The following KIF9 variants were observed in gnomAD, a reference collection of about 807,000 sequenced individuals.
KIF9 encodes kinesin family member 9.
Under a neutral mutation model 94.8 loss-of-function variants are expected in KIF9, and 68 were observed. The ratio of observed to expected loss-of-function variants is 0.72; its 90% CI spans 0.59 to 0.88. The LOEUF (loss-of-function observed/expected upper bound fraction) is 0.88. KIF9 is among the 40% of genes least tolerant of loss of function. The probability of loss-of-function intolerance (pLI) is 0.00; values close to 1 mark genes in which losing one functional copy is unlikely to be tolerated. For synonymous variants in KIF9, 343 were observed against 362.1 expected (o/e 0.95, Z 0.60); for missense variants, 882 against 982.5 (o/e 0.90, Z 1.37).
At chr3:47,267,466 G>A (rs1190474210) in intron 5 of KIF9, among the ~76,000 whole-genome samples, 1 of 152,254 alleles carries the variant, frequency 6.6e-6, no homozygotes, top group African/African-American at 2.4e-5. Context: ...CGCCGCTGGG[G>A]AAGTGTGAAT....
At chr3:47,258,408 G>A (rs1700754809) in intron 9 of KIF9, among the ~76,000 whole-genome samples, 1 of 152,260 alleles carries the variant, frequency 6.6e-6, no homozygotes, top group East Asian at 1.9e-4. Context: ...ACTGAACCTG[G>A]CCCCAAAATG....
chr3:47,253,232 T>G (rs960851823), intron 10 of KIF9, among the ~76,000 whole-genome samples: 1 of 152,080 alleles, frequency 6.6e-6, no homozygotes, highest in Non-Finnish European at 1.5e-5. Context: ...CTCCACTCAT[T>G]GCAACCACTG....
intron 9 of KIF9, among the ~76,000 whole-genome samples, chr3:47,258,677 C>T (rs1415131235): frequency 1.3e-5 from 2 of 152,164 alleles, no homozygotes; most frequent in African/African-American, 4.8e-5. Context: ...CTTCCTCCTG[C>T]TCCTGCCATG....
Position 47,230,363 on chromosome 3 carries a change from A to G in KIF9, c.2323-1661T>C, listed in dbSNP as rs527254274. ...AAGGCCCAGGCAGGAGGATCCCTTG[A>G]GTCTAGGAACTGAAGACCAGCCTGA... On this transcript the variant is annotated intron_variant, in intron 20 of 20. Transcript: ENST00000684063. Among the ~76,000 whole-genome samples the G allele has an allele frequency of 2.0e-5, 3 of 151,882 alleles. No homozygotes were observed. In the East Asian group the frequency reaches 5.9e-4, roughly 30 times the overall value.
chr3:47,257,343 C>T, intron 10 of KIF9, 140 bp downstream of exon 10: 1 of 743,780 alleles, frequency 1.3e-6, no homozygotes, highest in Non-Finnish European at 2.3e-6. Context: ...CTGGCCAGTC[C>T]AGGAGTGGAA....
At chr3:47,241,861 T>TATACAC (rs199589606) in intron 16 of KIF9, among the ~76,000 whole-genome samples, 14,641 of 119,998 alleles carry the variant, frequency 0.12, 1,184 homozygotes, top group East Asian at 0.23. Context: ...TATATATATA[T>TATACAC]ACACATATAT....
intron 9 of KIF9, among the ~76,000 whole-genome samples, 181 bp from the exon 10 acceptor site, chr3:47,257,741 T>G (rs1316401477): frequency 6.6e-6 from 1 of 152,146 alleles, no homozygotes; most frequent in Non-Finnish European, 1.5e-5. Flanking sequence ...GAGGTCCCCA[T>G]GAGAAGAGCA....
At chr3:47,251,289 G>A (rs1700254567) in intron 10 of KIF9, among the ~76,000 whole-genome samples, 1 of 152,204 alleles carries the variant, frequency 6.6e-6, no homozygotes. Context: ...TAGGAGGCTG[G>A]GTGCAGTGGC....
At chr3:47,272,664 T>C (rs1442269752) in intron 4 of KIF9, among the ~76,000 whole-genome samples, 1 of 152,154 alleles carries the variant, frequency 6.6e-6, no homozygotes, top group Admixed American at 6.5e-5. Context: ...TTAAATAAAA[T>C]ATATCATTAA....
chr3:47,253,671 T>C (rs528900233), intron 10 of KIF9, among the ~76,000 whole-genome samples: 9 of 152,310 alleles, frequency 5.9e-5, no homozygotes, highest in South Asian at 4.1e-4. Flanking sequence ...GTGTAAATAA[T>C]AGAGACTGTC....
intron 1 of KIF9, chr3:47,280,838 G>C: frequency 1.4e-6 from 1 of 693,706 alleles, no homozygotes; most frequent in Admixed American, 2.0e-5. Flanking sequence ...AGCAGGCCAG[G>C]AGCCATATCC....
chr3:47,272,641 T>G (rs1701718043), intron 4 of KIF9, among the ~76,000 whole-genome samples: 1 of 152,154 alleles, frequency 6.6e-6, no homozygotes, highest in Non-Finnish European at 1.5e-5. Context: ...GGAAATATTT[T>G]AAATATATTT....
intron 11 of KIF9, 107 bp downstream of exon 11, chr3:47,247,911 C>T (rs941291019): frequency 1.2e-6 from 1 of 859,782 alleles, no homozygotes; most frequent in Non-Finnish European, 1.9e-6. Flanking sequence ...CCCAACCCCG[C>T]CCACCATTGG....
Position 47,240,955 on chromosome 3 carries a change from A to T in KIF9, c.1770T>A (p.Ser590Arg), listed in dbSNP as rs1296328807. ...TTTCTTTGAAAATTCGGTTGATCTCACTACCTTGCTCATTCTTAAACTCCT... is the reference window on the plus strand; with the variant it reads ...TTTCTTTGAAAATTCGGTTGATCTCTCTACCTTGCTCATTCTTAAACTCCT... ...AFEEFKNEQG[S>R]EINRIFKENK... is the part of the protein sequence containing the mutation. The change falls in exon 17 of 21, where the codon AGT (serine) becomes AGA (arginine). Residue 590 changes from serine (S) to arginine (R), a missense_variant. By Grantham distance (110) the Ser-to-Arg change is moderately radical. Coordinates refer to ENST00000684063, the MANE Select transcript of KIF9 (RefSeq NM_182902.4). The T allele has an allele frequency of 1.2e-6, 2 of 1,614,092 alleles. No homozygotes were observed. The highest frequency in any genetic ancestry group is 1.7e-5 in the Admixed American group (1 of 60,010).
chr3:47,257,617 A>G (rs1700708179), intron 9 of KIF9, 57 bp from the exon 10 acceptor site: 12 of 1,490,298 alleles, frequency 8.1e-6, no homozygotes, highest in Non-Finnish European at 7.4e-6. Flanking sequence ...AGACCCCAAG[A>G]GACCGGCCTT....
Position 47,235,560 on chromosome 3 carries a change from G to A in KIF9, c.2275C>T (p.Pro759Ser). 1.9e-6 allele frequency: 3 copies of A among 1,614,106 alleles called. No homozygotes were observed. The highest frequency in any genetic ancestry group is 2.5e-6 in the Non-Finnish European group (3 of 1,179,990). The change falls in exon 20 of 21, where the codon CCT (proline) becomes TCT (serine). Residue 759 changes from proline (P) to serine (S), a missense_variant. Pro to Ser is a moderately conservative substitution (Grantham distance 74, BLOSUM62 -1). Transcript: ENST00000684063. Reference sequence around the variant, plus strand: ...GCATTGTAGAAGGAGATGGAATCAGGGCCCTCAGGAAGCACCCTCTGCTGC... The same window carrying A: ...GCATTGTAGAAGGAGATGGAATCAGAGCCCTCAGGAAGCACCCTCTGCTGC... ...QLQQRVLPEGPDSISFYNAKV... is the reference protein window; with the variant it reads ...QLQQRVLPEGSDSISFYNAKV...
At chr3:47,244,654 G>A in intron 15 of KIF9, 137 bp downstream of exon 15, 2 of 1,090,778 alleles carry the variant, frequency 1.8e-6, no homozygotes, top group Non-Finnish European at 1.3e-6. Flanking sequence ...AGACTTGCTA[G>A]TATTGGCAGC....
intron 10 of KIF9, among the ~76,000 whole-genome samples, chr3:47,253,398 C>G (rs1392572051): frequency 6.6e-6 from 1 of 152,066 alleles, no homozygotes; most frequent in Non-Finnish European, 1.5e-5. Flanking sequence ...TCAAGTGACC[C>G]GCCTGCCTCA....
Position 47,244,885 on chromosome 3 carries a change from G to C in KIF9, c.1420C>G (p.Pro474Ala). ...CCGAGTCCAAAGTTTTGTCCTTCAG[G>C]CTCACCCACTAGGTGGCCATCAACA... ...VDVDGHLVGE[P>A]EGQNFGLGVA... Residue 474 changes from proline (P) to alanine (A), a missense_variant, in exon 15 of 21, where the codon CCT becomes GCT. By Grantham distance (27) the Pro-to-Ala change is conservative. Coordinates refer to ENST00000684063, the MANE Select transcript of KIF9 (RefSeq NM_182902.4). 6.2e-7 allele frequency: 1 copy of C among 1,614,120 alleles called. No homozygotes were observed. Among genetic ancestry groups the C allele is most frequent in the Non-Finnish European group, 8.5e-7 (1 of 1,180,018 alleles).
Sources: allele counts gnomAD v4.1 joint callset (sites outside exome capture counted in the v4.1 genomes callset), GRCh38; gene constraint gnomAD v4.1.1; transcripts MANE v1.5; gene names NCBI Gene and HGNC (gene_info 2026-07-23, HGNC 2026-07-21).